Variants in ARHGEF7 observed in about 807,000 individuals in gnomAD.
ARHGEF7 encodes Rho guanine nucleotide exchange factor 7.
ARHGEF7 carries 33 observed loss-of-function variants against 109.8 expected under a neutral mutation model. The ratio of observed to expected loss-of-function variants is 0.30; its 90% CI spans 0.23 to 0.40. The LOEUF is 0.40. ARHGEF7 is among the 10% of genes least tolerant of loss of function. The pLI is 1.00. For missense variants in ARHGEF7, 938 were observed against 1,098.5 expected (o/e 0.85, Z 2.07); for synonymous variants, 458 against 424.6 (o/e 1.08, Z -0.97).
chr13:111,139,801 T>A (rs1359779315), intron 1 of ARHGEF7, among the ~76,000 whole-genome samples: 1 of 152,214 alleles, frequency 6.6e-6, no homozygotes, highest in Non-Finnish European at 1.5e-5. Flanking sequence ...AACTGAGCCA[T>A]GGGCCTGCAG....
intron 7 of ARHGEF7, 96 bp from the exon 8 acceptor site, chr13:111,244,103 T>C (rs1297650349): frequency 1.4e-5 from 17 of 1,210,734 alleles, no homozygotes; most frequent in Non-Finnish European, 1.5e-5. Flanking sequence ...CAGCTGTTTA[T>C]TAGGTTAAGA....
chr13:111,188,756 G>A (rs1473679713), intron 2 of ARHGEF7, among the ~76,000 whole-genome samples: 3 of 152,218 alleles, frequency 2.0e-5, no homozygotes, highest in African/African-American at 7.2e-5. Context: ...AGCCAGCTAA[G>A]AGCTACTTAC....
chr13:111,176,914 G>A (rs368536419), intron 2 of ARHGEF7, among the ~76,000 whole-genome samples: 4 of 152,084 alleles, frequency 2.6e-5, no homozygotes, highest in East Asian at 3.9e-4. Context: ...GTACCACCAC[G>A]CCCCACTAAT....
intron 5 of ARHGEF7, among the ~76,000 whole-genome samples, chr13:111,231,267 C>T (rs1325449901): frequency 2.0e-5 from 3 of 152,178 alleles, no homozygotes; most frequent in Non-Finnish European, 4.4e-5. Context: ...AAATTCTTAG[C>T]TGTAGAAAAG....
At chr13:111,299,584 C>T (rs923078520) in intron 19 of ARHGEF7, among the ~76,000 whole-genome samples, 16 of 152,100 alleles carry the variant, frequency 1.1e-4, no homozygotes, top group Non-Finnish European at 1.9e-4. Flanking sequence ...CCTCGTGATC[C>T]ACCCGCCTCC....
rs867560597 is a variant in ARHGEF7, at chr13:111,266,979, A to G, written c.951-569A>G. The G allele has an allele frequency of 2.0e-4, 92 of 449,866 alleles. 1 individual carries two copies. In the Middle Eastern group the frequency reaches 2.3e-3, roughly 11 times the overall value. The allele number at this position is 449,866 out of a possible 1,614,324, so 27.9% of individuals were successfully genotyped here. A position where few individuals can be genotyped will look rare whatever the true frequency, so the allele number is the denominator to read the frequency against. ...AGCTTGTGCCGACTTGTCACCCCTC[A>G]TGCAGCTTCCAGTGCTGGTTCTGGT... is the stretch of plus-strand genomic sequence containing the variant. On this transcript the variant is annotated intron_variant, in intron 8 of 21. Coordinates refer to ENST00000646102, the MANE Select transcript of ARHGEF7 (RefSeq NM_001354046.2). This position sits in a 1 kb window ranked among gnomAD's most constrained non-coding sequence, Gnocchi z 4.8.
intron 5 of ARHGEF7, among the ~76,000 whole-genome samples, chr13:111,220,654 C>T (rs61967969): frequency 0.053 from 8,045 of 152,194 alleles, 329 homozygotes; most frequent in Middle Eastern, 0.085. Flanking sequence ...CGTGAGCCCC[C>T]GCTTTTGAGT....
In ARHGEF7 at chr13:111,201,822, C is replaced by T. The variant is rs1419854432; in HGVS notation, c.253-3467C>T. Among the ~76,000 whole-genome samples the T allele has an allele frequency of 5.3e-5, 8 of 152,136 alleles. No homozygotes were observed. The South Asian group carries it at 6.2e-4, about 12-fold the overall frequency. ...CAGCACCGCCGTGTCCTTCCCACAA[C>T]GTGCCGCATTGTGTTGTGCGGTTCA... On this transcript the variant is annotated intron_variant, in intron 2 of 21. Coordinates refer to ENST00000646102, the MANE Select transcript of ARHGEF7 (RefSeq NM_001354046.2).
intron 2 of ARHGEF7, among the ~76,000 whole-genome samples, chr13:111,175,404 C>G (rs1313223794): frequency 2.0e-5 from 3 of 152,208 alleles, no homozygotes; most frequent in Non-Finnish European, 4.4e-5. Context: ...CTGTGAGACT[C>G]AAAGCCTGGG....
chr13:111,304,894 GGTGATGC>G lies in ARHGEF7; in HGVS notation c.*1784_*1790del, dbSNP rs1222880760. On this transcript the variant is annotated 3_prime_UTR_variant, in exon 22 of 22. Transcript: ENST00000646102. ...GCTTGAGTTTTACAAGTTATTTTTT[GGTGATGC>G]GTAAGACATTGCAGTGGGAAACCAT... is the stretch of plus-strand genomic sequence containing the variant. 2 of 152,192 alleles carry G rather than the reference GGTGATGC, an allele frequency of 1.3e-5. No individual in the cohort carries two copies. The highest frequency in any genetic ancestry group is 2.9e-5 in the Non-Finnish European group (2 of 68,030). 9.4% of individuals were successfully genotyped at this position (152,192 alleles called of 1,614,324 possible).
At chr13:111,260,570 G>A (rs2090981267) in intron 8 of ARHGEF7, among the ~76,000 whole-genome samples, 1 of 152,156 alleles carries the variant, frequency 6.6e-6, no homozygotes. Context: ...AAAAGTTGAG[G>A]GATTTTATTA....
At chr13:111,159,171 A>G in intron 2 of ARHGEF7, 2 of 692,272 alleles carry the variant, frequency 2.9e-6, no homozygotes, top group Non-Finnish European at 5.3e-6. Flanking sequence ...CTCTTAGCAC[A>G]ATGTTCTCCA....
chr13:111,292,395 T>C, intron 19 of ARHGEF7, 101 bp downstream of exon 19: 1 of 1,551,514 alleles, frequency 6.4e-7, no homozygotes, highest in African/African-American at 1.4e-5. Flanking sequence ...CTTAGATGTT[T>C]TCTTGCTGTT....
intron 8 of ARHGEF7, among the ~76,000 whole-genome samples, chr13:111,252,209 A>G (rs1276645492): frequency 6.6e-6 from 1 of 152,236 alleles, no homozygotes. Context: ...GTGAAAAACC[A>G]CCAATAAACT....
intron 15 of ARHGEF7, 79 bp downstream of exon 15, chr13:111,280,756 G>A: frequency 7.3e-7 from 1 of 1,364,026 alleles, no homozygotes; most frequent in Non-Finnish European, 9.7e-7. Context: ...GTGATCAGTT[G>A]CTTTAAAACC....
chr13:111,302,202 T>G (rs1333401707), intron 21 of ARHGEF7, among the ~76,000 whole-genome samples: 1 of 152,154 alleles, frequency 6.6e-6, no homozygotes, highest in Admixed American at 6.5e-5. Context: ...ACCAAGGGTG[T>G]TCTGGGTATT....
intron 1 of ARHGEF7, among the ~76,000 whole-genome samples, chr13:111,143,271 G>A (rs2075434477): frequency 6.6e-6 from 1 of 152,304 alleles, no homozygotes. Context: ...TGTGCTGAGG[G>A]TGGACATGAC....
intron 2 of ARHGEF7, among the ~76,000 whole-genome samples, chr13:111,177,565 G>T (rs2078291429): frequency 6.6e-6 from 1 of 152,186 alleles, no homozygotes; most frequent in East Asian, 1.9e-4. Context: ...TGGTGAGTTT[G>T]CAGGTTCTCA....
At chr13:111,153,592 G>C (rs1010716615) in intron 1 of ARHGEF7, 1 of 1,119,732 alleles carries the variant, frequency 8.9e-7, no homozygotes, top group African/African-American at 1.7e-5. Flanking sequence ...GCGAACACCC[G>C]ACGCTATCCG....
Sources: allele counts gnomAD v4.1 joint callset (sites outside exome capture counted in the v4.1 genomes callset), GRCh38; gene constraint gnomAD v4.1.1; non-coding constraint Gnocchi (gnomAD v3.1); transcripts MANE v1.5; gene names NCBI Gene and HGNC (gene_info 2026-07-23, HGNC 2026-07-21).